The following SDR16C5 variants were observed in gnomAD, a reference collection of about 807,000 sequenced individuals.
The protein encoded by SDR16C5 is epidermal retinol dehydrogenase 2.
Under a neutral mutation model 27.7 loss-of-function variants are expected in SDR16C5, and 20 were observed. That is an observed-to-expected ratio of 0.72 (90% confidence interval 0.51 to 1.05). SDR16C5 has a LOEUF of 1.05. Among genes scored for constraint, SDR16C5 ranks in the 50% least tolerant of loss-of-function variants. The probability of loss-of-function intolerance (pLI) is 0.00; values close to 1 mark genes in which losing one functional copy is unlikely to be tolerated. For synonymous variants in SDR16C5, 139 were observed against 132.3 expected, an observed-to-expected ratio of 1.05 and a Z score of -0.35; for missense variants, 374 against 366.3, an observed-to-expected ratio of 1.02 and a Z score of -0.17.
intron 6 of SDR16C5, among the ~76,000 whole-genome samples, chr8:56,303,689 C>T (rs1407127854): frequency 1.3e-5 from 2 of 152,176 alleles, no homozygotes; most frequent in East Asian, 1.9e-4. Context: ...AGCTATCTAG[C>T]CCTCTCTCAA....
chr8:56,319,793 G>A (rs1815288800), intron 1 of SDR16C5, among the ~76,000 whole-genome samples: 1 of 152,192 alleles, frequency 6.6e-6, no homozygotes, highest in Non-Finnish European at 1.5e-5. Context: ...GGTGGGGAGG[G>A]AGGCTGGCAG....
intron 6 of SDR16C5, among the ~76,000 whole-genome samples, chr8:56,304,673 G>A (rs1157041660): frequency 6.6e-6 from 1 of 151,990 alleles, no homozygotes; most frequent in Non-Finnish European, 1.5e-5. Flanking sequence ...TGGGTAGCTG[G>A]GATTACAGGT....
At chr8:56,313,553 A>AGTAT (rs1815102715) in intron 2 of SDR16C5, among the ~76,000 whole-genome samples, 1 of 152,174 alleles carries the variant, frequency 6.6e-6, no homozygotes. Flanking sequence ...CTGTTAACAC[A>AGTAT]TTGGTTAAGT....
chr8:56,301,887 TG>T (rs1255868691), intron 6 of SDR16C5, among the ~76,000 whole-genome samples: 1 of 152,178 alleles, frequency 6.6e-6, no homozygotes, highest in Non-Finnish European at 1.5e-5. Context: ...GCATGCGCTT[TG>T]GGGGCAGATG....
chr8:56,317,350 C>G (rs1213393355), intron 1 of SDR16C5, among the ~76,000 whole-genome samples: 1 of 151,724 alleles, frequency 6.6e-6, no homozygotes, highest in African/African-American at 2.4e-5. Context: ...GAGCTTAGTG[C>G]TTACATCCTG....
Position 56,319,192 on chromosome 8 carries a change from G to T in SDR16C5, c.-15+867C>A, listed in dbSNP as rs539036221. On this transcript the variant is annotated intron_variant, in intron 1 of 6. Coordinates refer to ENST00000303749, the MANE Select transcript of SDR16C5 (RefSeq NM_138969.4). ...GCGGGGTGCAAGGGGTTGGGGAGGG[G>T]GTGCAAGAGGAGCTGTTTGGATTTC... 4.6e-5 allele frequency among the ~76,000 whole-genome samples: 7 copies of T among 151,254 alleles called. No homozygotes were observed. The East Asian group carries it at 1.2e-3, about 25-fold the overall frequency.
chr8:56,313,733 CT>C (rs961672374), intron 2 of SDR16C5, among the ~76,000 whole-genome samples: 1 of 152,182 alleles, frequency 6.6e-6, no homozygotes, highest in African/African-American at 2.4e-5. Flanking sequence ...TCTGCCTGTC[CT>C]GTTTTCATCA....
At chr8:56,316,488 G>A (rs1815201580) in intron 1 of SDR16C5, 127 bp from the exon 2 acceptor site, 4 of 634,020 alleles carry the variant, frequency 6.3e-6, no homozygotes, top group East Asian at 2.7e-5. Flanking sequence ...CAGCTCTCCT[G>A]GTAGCAGACT....
chr8:56,302,896 G>A lies in SDR16C5; in HGVS notation c.837-1323C>T, dbSNP rs570692734. 3.3e-5 allele frequency among the ~76,000 whole-genome samples: 5 copies of A among 152,112 alleles called. No individual in the cohort carries two copies. The South Asian group carries it at 1.0e-3, about 32-fold the overall frequency. ...ATTTGGGAGGCTGAGGTGGGAGGATGGCTTGAGCCTGGGAGTTTGAGGCTG... is the reference window on the plus strand; with the variant it reads ...ATTTGGGAGGCTGAGGTGGGAGGATAGCTTGAGCCTGGGAGTTTGAGGCTG... On this transcript the variant is annotated intron_variant, in intron 6 of 6. Coordinates refer to ENST00000303749, the MANE Select transcript of SDR16C5 (RefSeq NM_138969.4).
chr8:56,311,707 T>C (rs555750116), intron 3 of SDR16C5, among the ~76,000 whole-genome samples: 83 of 152,338 alleles, frequency 5.4e-4, no homozygotes, highest in African/African-American at 1.9e-3. Flanking sequence ...CAGACCTGAT[T>C]AACACTTGCT....
intron 2 of SDR16C5, among the ~76,000 whole-genome samples, chr8:56,314,951 C>T (rs918788047): frequency 6.6e-6 from 1 of 152,050 alleles, no homozygotes; most frequent in African/African-American, 2.4e-5. Flanking sequence ...TATGAGGACA[C>T]AAAAATCCTT....
rs1032414064 is a variant in SDR16C5 at position 56,317,499 on chromosome 8, G to A, written c.-14-1138C>T. 2.6e-5 allele frequency among the ~76,000 whole-genome samples: 4 copies of A among 152,334 alleles called. No homozygotes were observed. In the East Asian group the frequency reaches 7.7e-4, roughly 29 times the overall value. On this transcript the variant is annotated intron_variant, in intron 1 of 6. Transcript: ENST00000303749. ...TTTAGCAGACAGCATACTGTGCTGGGGGTGGGAGCCTTCTCTGAATGGGGT... is the reference window on the plus strand; with the variant it reads ...TTTAGCAGACAGCATACTGTGCTGGAGGTGGGAGCCTTCTCTGAATGGGGT...
Position 56,316,205 on chromosome 8 carries a change from G to C in SDR16C5, c.143C>G (p.Ala48Gly). 1 of 1,614,148 alleles carries C rather than the reference G, an allele frequency of 6.2e-7. No homozygotes were observed. The highest frequency in any genetic ancestry group is 8.5e-7 in the Non-Finnish European group (1 of 1,179,982). Residue 48 changes from alanine (A) to glycine (G), a missense_variant, in exon 2 of 7, where the codon GCT becomes GGT. Coordinates refer to ENST00000303749, the MANE Select transcript of SDR16C5 (RefSeq NM_138969.4). Reference sequence around the variant, plus strand: ...TAAGAGCCTTCCGAGTCCACTTCCAGCACCTGTGATGAGGACTATTTCACC... The same window carrying C: ...TAAGAGCCTTCCGAGTCCACTTCCACCACCTGTGATGAGGACTATTTCACC... ...VAGEIVLITG[A>G]GSGLGRLLAL...
At chr8:56,316,853 T>C (rs1815212121) in intron 1 of SDR16C5, among the ~76,000 whole-genome samples, 1 of 152,390 alleles carries the variant, frequency 6.6e-6, no homozygotes, top group Middle Eastern at 3.4e-3. Flanking sequence ...TTTGCATTAC[T>C]ATTTAAAATC....
At chr8:56,317,414 A>G (rs566130030) in intron 1 of SDR16C5, among the ~76,000 whole-genome samples, 4 of 152,216 alleles carry the variant, frequency 2.6e-5, no homozygotes, top group Non-Finnish European at 5.9e-5. Flanking sequence ...TGCTTTACTA[A>G]CCACTAGCTG....
In SDR16C5 at chr8:56,316,025, A is replaced by C. The variant is rs1377431988; in HGVS notation, c.323T>G (p.Val108Gly). The C allele has an allele frequency of 6.2e-7, 1 of 1,611,112 alleles. No homozygotes were observed. Among genetic ancestry groups the C allele is most frequent in the South Asian group, 1.1e-5 (1 of 90,972 alleles). ...ACACACAAGAGTTACCTGGTCGGCT[A>C]CTCTATACACTCCTTCCTTTTGGCT... ...DCSQKEGVYRVADQVKKEVGD... is the reference protein window; with the variant it reads ...DCSQKEGVYRGADQVKKEVGD... Residue 108 changes from valine to glycine, a missense_variant, in exon 2 of 7, where the codon GTA becomes GGA. Physicochemically the swap from Val to Gly is moderately radical, Grantham distance 109. Coordinates refer to ENST00000303749, the MANE Select transcript of SDR16C5 (RefSeq NM_138969.4).
intron 4 of SDR16C5, among the ~76,000 whole-genome samples, chr8:56,307,230 G>T (rs181110685): frequency 6.6e-6 from 1 of 152,144 alleles, no homozygotes; most frequent in African/African-American, 2.4e-5. Context: ...CTAGGCAAGA[G>T]AGGCCAGCAT....
chr8:56,310,124 AGGAGGAGGAG>A (rs1308564114), intron 3 of SDR16C5, among the ~76,000 whole-genome samples: 1 of 75,366 alleles, frequency 1.3e-5, no homozygotes, highest in Non-Finnish European at 2.9e-5. Context: ...AGAAGGAAGG[AGGAGGAGGAG>A]GGAGGAGGAG....
In SDR16C5 at chr8:56,301,852, G is replaced by A. The variant is rs1051526993; in HGVS notation, c.837-279C>T. On this transcript the variant is annotated intron_variant, in intron 6 of 6. Transcript: ENST00000303749. ...CACTCCACTGTACAATGACACAGAG[G>A]AAGCAGTGAAGTCTTGTCCTGTAGG... 2.0e-5 allele frequency among the ~76,000 whole-genome samples: 3 copies of A among 152,204 alleles called. 1 individual carries two copies. In the South Asian group the frequency reaches 6.2e-4, roughly 31 times the overall value.
Sources: gnomAD v4.1 joint callset for allele counts (sites outside exome capture counted in the v4.1 genomes callset) on GRCh38, gnomAD v4.1.1 for gene constraint, MANE v1.5 for transcripts, NCBI Gene and HGNC (gene_info 2026-07-23, HGNC 2026-07-21) for gene names.